Variants in CCSER1 observed in about 807,000 individuals in gnomAD.
CCSER1 encodes coiled-coil serine rich protein 1, also known as serine-rich coiled-coil domain-containing protein 1.
In CCSER1, 41 loss-of-function variants were observed where a neutral mutation model predicts 82.0. The ratio of observed to expected loss-of-function variants is 0.50; its 90% CI spans 0.39 to 0.65. CCSER1 has a LOEUF of 0.65. Ranked by LOEUF, CCSER1 falls within the 30% of genes least tolerant of loss-of-function variation. The pLI, the probability that CCSER1 is intolerant of heterozygous loss-of-function variation, is 0.00. For synonymous variants in CCSER1, 414 were observed against 383.9 expected (o/e 1.08, Z -0.92); for missense variants, 1,119 against 1,064.2 (o/e 1.05, Z -0.72).
intron 6 of CCSER1, among the ~76,000 whole-genome samples, chr4:90,706,558 G>A (rs1159588998): frequency 2.0e-5 from 3 of 152,214 alleles, no homozygotes; most frequent in Non-Finnish European, 4.4e-5. Flanking sequence ...GATGCCTTCA[G>A]TAATTAGGAT....
At chr4:90,917,267 A>G (rs964361253) in intron 8 of CCSER1, among the ~76,000 whole-genome samples, 4 of 152,244 alleles carry the variant, frequency 2.6e-5, no homozygotes, top group African/African-American at 4.8e-5. Context: ...AACCAAGCCA[A>G]ATGTCCAACA....
chr4:90,825,942 G>A lies in CCSER1; in HGVS notation c.2094+10097G>A, dbSNP rs193096148. 2.7e-3 allele frequency among the ~76,000 whole-genome samples: 412 copies of A among 151,776 alleles called. 5 individuals carry two copies. Among genetic ancestry groups the A allele is most frequent in the African/African-American group, 9.4e-3 (390 of 41,382 alleles). On this transcript the variant is annotated intron_variant, in intron 8 of 10. Transcript: ENST00000509176. ...CCTGACCTCGTGATCCACCTGCCTC[G>A]TCCTCCCAAAGTGCTGGGATTACAG...
intron 1 of CCSER1, among the ~76,000 whole-genome samples, chr4:90,225,231 ATTTTTTTTTT>A (rs57188209): frequency 2.1e-3 from 236 of 111,858 alleles, no homozygotes; most frequent in African/African-American, 4.7e-3. Context: ...TACCCGGCTA[ATTTTTTTTTT>A]TTTTTTTTTT....
chr4:91,584,437 C>G (rs1763889993), intron 10 of CCSER1, among the ~76,000 whole-genome samples: 1 of 151,320 alleles, frequency 6.6e-6, no homozygotes. Context: ...TTGGTGAGAC[C>G]CTGAGCATAG....
intron 6 of CCSER1, among the ~76,000 whole-genome samples, chr4:90,687,361 A>G (rs1735004075): frequency 6.6e-6 from 1 of 152,134 alleles, no homozygotes; most frequent in Non-Finnish European, 1.5e-5. Context: ...GACCCTTCAG[A>G]AATAGCATGT....
chr4:90,795,769 T>C (rs1755916807), intron 7 of CCSER1, among the ~76,000 whole-genome samples: 1 of 152,206 alleles, frequency 6.6e-6, no homozygotes, highest in African/African-American at 2.4e-5. Flanking sequence ...GGTTTTGTCT[T>C]TAGTTCTGTT....
intron 10 of CCSER1, among the ~76,000 whole-genome samples, chr4:91,395,632 A>G (rs535314830): frequency 1.5e-4 from 23 of 152,048 alleles, no homozygotes; most frequent in Non-Finnish European, 3.1e-4. Flanking sequence ...AAGTTTATCC[A>G]GGTTTCTAGG....
At chr4:91,164,766 G>T (rs1045441364) in intron 10 of CCSER1, among the ~76,000 whole-genome samples, 9 of 152,170 alleles carry the variant, frequency 5.9e-5, no homozygotes, top group Admixed American at 5.9e-4. Flanking sequence ...CTTGCGCCAT[G>T]ATTTTCAGCT....
intron 8 of CCSER1, among the ~76,000 whole-genome samples, chr4:90,897,447 T>C (rs1346377195): frequency 6.6e-6 from 1 of 152,132 alleles, no homozygotes; most frequent in Non-Finnish European, 1.5e-5. Context: ...GCTCTATCCA[T>C]GTTGCTGTGA....
chr4:90,951,403 C>T lies in CCSER1; in HGVS notation c.2172+27956C>T, dbSNP rs564764859. On this transcript the variant is annotated intron_variant, in intron 9 of 10. Transcript: ENST00000509176. ...AAGGAAAATGTTGTGAAGGGCATCACTCCCTTTTTCAATAGAGAATGTGTG... is the reference window on the plus strand; with the variant it reads ...AAGGAAAATGTTGTGAAGGGCATCATTCCCTTTTTCAATAGAGAATGTGTG... The T allele has an allele frequency of 2.0e-5, 3 of 152,170 alleles. No individual in the cohort carries two copies. In the South Asian group the frequency reaches 6.2e-4, roughly 32 times the overall value. 9.4% of individuals were successfully genotyped at this position (152,170 alleles called of 1,614,324 possible).
intron 7 of CCSER1, among the ~76,000 whole-genome samples, chr4:90,759,042 A>T (rs1350064527): frequency 6.6e-6 from 1 of 152,116 alleles, no homozygotes. Context: ...TTACTGGAAC[A>T]TCTTGCACCT....
chr4:91,077,992 C>G (rs545680307), intron 9 of CCSER1, among the ~76,000 whole-genome samples: 3 of 152,342 alleles, frequency 2.0e-5, no homozygotes, highest in Admixed American at 2.0e-4. Context: ...GCCCGCCTGC[C>G]TCTGTAGACT....
intron 5 of CCSER1, among the ~76,000 whole-genome samples, chr4:90,623,433 A>G (rs1448871199): frequency 6.6e-6 from 1 of 152,150 alleles, no homozygotes; most frequent in Non-Finnish European, 1.5e-5. Flanking sequence ...ATGAAGGCCA[A>G]TGTGTTTGGA....
chr4:90,493,383 G>T (rs1332889334), intron 5 of CCSER1, among the ~76,000 whole-genome samples: 1 of 152,094 alleles, frequency 6.6e-6, no homozygotes, highest in Non-Finnish European at 1.5e-5. Flanking sequence ...AGAAAGGCAG[G>T]CCAACATTCA....
chr4:90,967,277 A>G (rs1334950007), intron 9 of CCSER1, among the ~76,000 whole-genome samples: 4 of 151,776 alleles, frequency 2.6e-5, no homozygotes, highest in African/African-American at 9.7e-5. Context: ...ATGAAACCCT[A>G]TCTCCATTAA....
intron 6 of CCSER1, among the ~76,000 whole-genome samples, chr4:90,658,035 C>T (rs952994705): frequency 5.9e-5 from 9 of 152,084 alleles, no homozygotes; most frequent in Non-Finnish European, 4.4e-5. Context: ...ACCCAGGAGG[C>T]GGAGGTTGCA....
At chr4:90,307,778 C>T (rs1734580287) in intron 1 of CCSER1, among the ~76,000 whole-genome samples, 3 of 151,990 alleles carry the variant, frequency 2.0e-5, no homozygotes, top group Non-Finnish European at 2.9e-5. Flanking sequence ...CTTGTTGAGT[C>T]GTGTGGTGTA....
chr4:90,887,289 G>C (rs1392246161), intron 8 of CCSER1, among the ~76,000 whole-genome samples: 2 of 152,102 alleles, frequency 1.3e-5, no homozygotes, highest in African/African-American at 2.4e-5. Context: ...TGTGGGGAGA[G>C]AGAGAGAAAG....
chr4:91,302,336 C>T (rs1287587389), intron 10 of CCSER1, among the ~76,000 whole-genome samples: 9 of 151,978 alleles, frequency 5.9e-5, no homozygotes, highest in African/African-American at 1.7e-4. Flanking sequence ...TTCACTGCAA[C>T]GTTGTTTTAA....
Sources: gnomAD v4.1 joint callset for allele counts (sites outside exome capture counted in the v4.1 genomes callset) on GRCh38, gnomAD v4.1.1 for gene constraint, MANE v1.5 for transcripts, NCBI Gene and HGNC (gene_info 2026-07-23, HGNC 2026-07-21) for gene names.